Variants in URI1 observed in about 807,000 individuals in gnomAD.
URI1 encodes the protein unconventional prefoldin RPB5 interactor 1.
A neutral mutation model predicts 60.2 loss-of-function variants in URI1; 39 were observed. That is an observed-to-expected ratio of 0.65 (90% CI 0.50 to 0.85). The LOEUF (loss-of-function observed/expected upper bound fraction) is 0.85. Among genes scored for constraint, URI1 ranks in the 40% least tolerant of loss-of-function variants. The probability of loss-of-function intolerance (pLI) is 0.00; values close to 1 mark genes in which losing one functional copy is unlikely to be tolerated. For synonymous variants in URI1, 251 were observed against 236.8 expected (o/e 1.06, Z -0.55); for missense variants, 691 against 665.9 (o/e 1.04, Z -0.42).
At chr19:29,926,233 CTCCTTCCTTCCTTCCTTCCTTCCTTCCT>C (rs35040318) in intron 1 of URI1, among the ~76,000 whole-genome samples, 5 of 131,578 alleles carry the variant, frequency 3.8e-5, no homozygotes, top group Admixed American at 7.9e-5. Flanking sequence ...TTCTTCCTCT[CTCCTTCCTTCCTTCCTTCCTTCCTTCCT>C]TCCTTCCTTC....
intron 1 of URI1, among the ~76,000 whole-genome samples, chr19:29,952,772 A>T (rs2055195396): frequency 1.3e-5 from 2 of 152,192 alleles, no homozygotes; most frequent in Non-Finnish European, 2.9e-5. Context: ...AGTGACATTG[A>T]TTACATTCAC....
chr19:29,986,005 C>T (rs1490096250), intron 3 of URI1, among the ~76,000 whole-genome samples: 2 of 152,022 alleles, frequency 1.3e-5, no homozygotes, highest in South Asian at 2.1e-4. Flanking sequence ...ATAAACATGC[C>T]GAGACAGTAC....
chr19:29,996,218 T>C (rs888832835), intron 4 of URI1, among the ~76,000 whole-genome samples: 1 of 152,188 alleles, frequency 6.6e-6, no homozygotes, highest in African/African-American at 2.4e-5. Context: ...ATCCTAATTA[T>C]TAAATATATT....
intron 2 of URI1, among the ~76,000 whole-genome samples, chr19:29,979,640 A>T (rs1049074128): frequency 1.3e-5 from 2 of 152,154 alleles, no homozygotes; most frequent in Admixed American, 6.5e-5. Context: ...TGTTTCATTG[A>T]CTTGAAAAAT....
At chr19:29,946,928 C>G (rs1227740572) in intron 1 of URI1, among the ~76,000 whole-genome samples, 1 of 152,060 alleles carries the variant, frequency 6.6e-6, no homozygotes, top group African/African-American at 2.4e-5. Flanking sequence ...CATAGCCTTA[C>G]CTTGGGTGTT....
At chr19:29,926,651 A>C (rs1391815201) in intron 1 of URI1, among the ~76,000 whole-genome samples, 2 of 152,220 alleles carry the variant, frequency 1.3e-5, no homozygotes, top group Non-Finnish European at 2.9e-5. Flanking sequence ...AAATTCGCTA[A>C]GGATTTGTGC....
At chr19:29,991,080 G>T (rs1437898760) in intron 4 of URI1, among the ~76,000 whole-genome samples, 1 of 152,006 alleles carries the variant, frequency 6.6e-6, no homozygotes, top group Non-Finnish European at 1.5e-5. Flanking sequence ...AATTGTTTTG[G>T]CTGTTCTACC....
chr19:29,991,137 A>G (rs2055741255), intron 4 of URI1, among the ~76,000 whole-genome samples: 1 of 152,148 alleles, frequency 6.6e-6, no homozygotes, highest in Non-Finnish European at 1.5e-5. Context: ...GCTTATGTTT[A>G]CAAAAACTCC....
chr19:29,926,878 C>A (rs2054872747), intron 1 of URI1, among the ~76,000 whole-genome samples: 1 of 152,164 alleles, frequency 6.6e-6, no homozygotes, highest in African/African-American at 2.4e-5. Context: ...GGATGACGTG[C>A]CTGTCTGGCA....
chr19:30,009,418 T>G lies in URI1; in HGVS notation c.1035+65T>G, dbSNP rs2145443372. ...TGAACATTAAGCATTATGATATTTT[T>G]TAGAAGAGCAATATTAACAATCATT... On this transcript the variant is annotated intron_variant, in intron 8 of 10. Coordinates refer to ENST00000392271, the MANE Select transcript of URI1 (RefSeq NM_003796.3). 4 of 1,385,526 alleles carry G rather than the reference T, an allele frequency of 2.9e-6. No individual in the cohort carries two copies. In the African/African-American group the frequency reaches 5.7e-5, roughly 20 times the overall value. 85.8% of individuals were successfully genotyped at this position (1,385,526 alleles called of 1,614,324 possible). A position where few individuals can be genotyped will look rare whatever the true frequency, so the allele number is the denominator to read the frequency against.
At chr19:29,940,045 A>G (rs1221963614), upstream of URI1, among the ~76,000 whole-genome samples, 1 of 152,192 alleles carries the variant, frequency 6.6e-6, no homozygotes, top group East Asian at 1.9e-4. Context: ...TGCGAATTGG[A>G]TGTCTTTGGC....
chr19:29,941,926 G>A (rs2055028344), upstream of URI1, among the ~76,000 whole-genome samples: 1 of 151,482 alleles, frequency 6.6e-6, no homozygotes, highest in Admixed American at 6.6e-5. Context: ...CACTCAAGGC[G>A]ACACGCGGCT....
chr19:29,974,911 TTTC>T (rs1457360742), intron 2 of URI1, among the ~76,000 whole-genome samples: 1 of 152,196 alleles, frequency 6.6e-6, no homozygotes, highest in African/African-American at 2.4e-5. Flanking sequence ...ACTGCAAATA[TTTC>T]TTCTTTTTTA....
chr19:29,941,639 A>G (rs1344313043), upstream of URI1, among the ~76,000 whole-genome samples: 3 of 151,978 alleles, frequency 2.0e-5, no homozygotes, highest in African/African-American at 2.4e-5. Flanking sequence ...AAAAAAAAAA[A>G]AAAGAAAAGT....
intron 4 of URI1, among the ~76,000 whole-genome samples, chr19:29,995,073 C>T (rs987948422): frequency 6.6e-5 from 10 of 152,054 alleles, no homozygotes; most frequent in South Asian, 2.1e-4. Flanking sequence ...TGAGCCACCA[C>T]GCCCGGCCCT....
chr19:29,991,935 G>T (rs150448893), intron 4 of URI1, among the ~76,000 whole-genome samples: 1 of 152,096 alleles, frequency 6.6e-6, no homozygotes, highest in Non-Finnish European at 1.5e-5. Flanking sequence ...TGGATGAACC[G>T]CATTTGATCA....
At chr19:29,974,585 A>AT (rs909419656) in intron 2 of URI1, among the ~76,000 whole-genome samples, 27 of 151,210 alleles carry the variant, frequency 1.8e-4, no homozygotes, top group East Asian at 3.9e-4. Context: ...CCTACCTCCA[A>AT]TTTTTTTTTA....
chr19:29,941,061 T>C (rs1330537462), upstream of URI1, among the ~76,000 whole-genome samples: 1 of 151,854 alleles, frequency 6.6e-6, no homozygotes, highest in Non-Finnish European at 1.5e-5. Flanking sequence ...TTTGAAGCCA[T>C]AAAAAGGAAA....
intron 1 of URI1, among the ~76,000 whole-genome samples, chr19:29,929,734 C>T (rs1041783583): frequency 1.3e-5 from 2 of 152,080 alleles, no homozygotes; most frequent in Admixed American, 1.3e-4. Context: ...TGCCTATTGG[C>T]CATTTGTATA....
Sources: allele counts gnomAD v4.1 joint callset (sites outside exome capture counted in the v4.1 genomes callset), GRCh38; gene constraint gnomAD v4.1.1; transcripts MANE v1.5; gene names NCBI Gene and HGNC (gene_info 2026-07-23, HGNC 2026-07-21).